WWP2: variants seen among roughly 807,000 people sequenced by gnomAD.
WWP2 encodes WW domain containing E3 ubiquitin protein ligase 2.
In WWP2, 57 loss-of-function variants were observed where a neutral mutation model predicts 121.0. That is an observed-to-expected ratio of 0.47 (90% CI 0.38 to 0.59). WWP2 has a LOEUF of 0.59. WWP2 is among the 20% of genes least tolerant of loss of function. The probability of loss-of-function intolerance (pLI) is 0.00; values close to 1 mark genes in which losing one functional copy is unlikely to be tolerated. For missense variants in WWP2, 962 were observed against 1,158.9 expected (o/e 0.83, Z 2.47); for synonymous variants, 449 against 441.3 (o/e 1.02, Z -0.22).
Position 69,842,048 on chromosome 16 carries a change from C to G in WWP2, c.503C>G (p.Ser168Cys), listed in dbSNP as rs780890962. The stretch of plus-strand genomic sequence containing the variant: ...GGATCACAGCTGCCTTCGAGAGACT[C>G]CAGTGGAACAGCAGTAGCTCCAGAG... Reference protein sequence around the residue: ...TDGSQLPSRDSSGTAVAPENR... With the variant: ...TDGSQLPSRDCSGTAVAPENR... Residue 168 changes from serine (S) to cysteine (C), a missense_variant, in exon 6 of 24, where the codon TCC becomes TGC. This residue lies in a region of WWP2 where 211 missense variants were observed against 196.5 expected (regional missense o/e 1.07). Transcript: ENST00000359154. The G allele has an allele frequency of 1.2e-6, 2 of 1,613,428 alleles. No homozygotes were observed. Among genetic ancestry groups the G allele is most frequent in the Admixed American group, 3.3e-5 (2 of 59,974 alleles).
At chr16:69,781,648 T>C (rs1202079319) in intron 1 of WWP2, among the ~76,000 whole-genome samples, 4 of 152,236 alleles carry the variant, frequency 2.6e-5, no homozygotes, top group African/African-American at 9.6e-5. Flanking sequence ...GCTTTTACTC[T>C]GAGTTAGACG....
At chr16:69,793,953 C>G (rs1236013543) in intron 2 of WWP2, among the ~76,000 whole-genome samples, 4 of 112,760 alleles carry the variant, frequency 3.5e-5, no homozygotes, top group Admixed American at 2.6e-4. Flanking sequence ...GGGTCTTGCT[C>G]TGTTACCCAG....
At chr16:69,835,990 A>G (rs2056870027) in intron 4 of WWP2, among the ~76,000 whole-genome samples, 1 of 152,006 alleles carries the variant, frequency 6.6e-6, no homozygotes, top group Non-Finnish European at 1.5e-5. Context: ...TTTAGTAAAG[A>G]TGGGGTTTCA....
At chr16:69,939,309 C>T (rs1439615638) in intron 22 of WWP2, 32 bp from the exon 23 acceptor site, 1 of 1,612,960 alleles carries the variant, frequency 6.2e-7, no homozygotes, top group Admixed American at 1.7e-5. Flanking sequence ...GACGTCTCTG[C>T]TGACGTCGGC....
At chr16:69,903,320 T>G (rs2058234006) in intron 8 of WWP2, among the ~76,000 whole-genome samples, 1 of 152,210 alleles carries the variant, frequency 6.6e-6, no homozygotes, top group African/African-American at 2.4e-5. Flanking sequence ...TTACAGACAT[T>G]TATTTCATGG....
chr16:69,772,396 G>A (rs2055436322), intron 1 of WWP2, among the ~76,000 whole-genome samples: 1 of 152,046 alleles, frequency 6.6e-6, no homozygotes. Flanking sequence ...CTGATGCAGG[G>A]CACGTGAGCC....
intron 1 of WWP2, among the ~76,000 whole-genome samples, chr16:69,775,700 T>A (rs1395781245): frequency 6.6e-6 from 1 of 152,180 alleles, no homozygotes; most frequent in Non-Finnish European, 1.5e-5. Flanking sequence ...CTTCTTGCCT[T>A]TTAGTGTGTT....
chr16:69,939,112 C>T lies in WWP2; in HGVS notation c.2429C>T (p.Ala810Val). 6.3e-7 allele frequency: 1 copy of T among 1,599,610 alleles called. No homozygotes were observed. The highest frequency in any genetic ancestry group is 8.5e-7 in the Non-Finnish European group (1 of 1,172,316). Residue 810 changes from alanine (A) to valine (V), a missense_variant, in exon 22 of 24, where the codon GCC becomes GTC. Physicochemically the swap from Ala to Val is moderately conservative, Grantham distance 64. Around this residue, in one of 3 missense-constraint regions of WWP2, gnomAD observed 606 missense variants for 772.6 expected, o/e 0.78. Transcript: ENST00000359154. ...TGCCGCCTGCCCGTCGGGGGATTTGCCGAACTCATCGGTATGTTTTCTCTC... is the reference window on the plus strand; with the variant it reads ...TGCCGCCTGCCCGTCGGGGGATTTGTCGAACTCATCGGTATGTTTTCTCTC... ...GTCRLPVGGF[A>V]ELIGSNGPQK...
At position 69,939,740 on chromosome 16, in the gene WWP2, G is replaced by C. The variant is rs879065843; in HGVS notation, c.2514-101G>C. 1.7e-5 allele frequency: 19 copies of C among 1,091,804 alleles called. No homozygotes were observed. In the South Asian group the frequency reaches 2.4e-4, roughly 14 times the overall value. The allele number at this position is 1,091,804 out of a possible 1,614,324, so 67.6% of individuals were successfully genotyped here. On this transcript the variant is annotated intron_variant, in intron 23 of 23. Coordinates refer to ENST00000359154, the MANE Select transcript of WWP2 (RefSeq NM_001270454.2). ...ACTGGCAGCCCCTGAGCCCTAGCCAGTGTGGTGCAAGCCCTGTGGCCCTGC... is the reference window on the plus strand; with the variant it reads ...ACTGGCAGCCCCTGAGCCCTAGCCACTGTGGTGCAAGCCCTGTGGCCCTGC...
At chr16:69,819,509 C>A (rs1018843093) in intron 4 of WWP2, among the ~76,000 whole-genome samples, 3 of 152,190 alleles carry the variant, frequency 2.0e-5, no homozygotes, top group African/African-American at 7.2e-5. Context: ...CTGAAACTGA[C>A]CCCTTCCAGT....
At chr16:69,771,654 T>C (rs2055418034) in intron 1 of WWP2, among the ~76,000 whole-genome samples, 1 of 152,228 alleles carries the variant, frequency 6.6e-6, no homozygotes, top group African/African-American at 2.4e-5. Context: ...TTCCTTACTT[T>C]AGGATCAGCT....
Position 69,799,360 on chromosome 16 carries a change from A to G in WWP2, c.340+65A>G. 1.3e-6 allele frequency: 2 copies of G among 1,572,706 alleles called. No individual in the cohort carries two copies. The highest frequency in any genetic ancestry group is 2.7e-5 in the African/African-American group (2 of 73,916). ...GGGGATGGGAGGACCTGGCAGATCAACCTGGTATTGCAATTTCCCCCAGGA... is the reference window on the plus strand; with the variant it reads ...GGGGATGGGAGGACCTGGCAGATCAGCCTGGTATTGCAATTTCCCCCAGGA... On this transcript the variant is annotated intron_variant, in intron 4 of 23. Coordinates refer to ENST00000359154, the MANE Select transcript of WWP2 (RefSeq NM_001270454.2). This position sits in a 1 kb window ranked among gnomAD's most constrained non-coding sequence, Gnocchi z 4.5.
intron 2 of WWP2, among the ~76,000 whole-genome samples, chr16:69,787,646 G>C (rs529926138): frequency 1.4e-4 from 22 of 152,272 alleles, no homozygotes; most frequent in African/African-American, 5.3e-4. Flanking sequence ...TCATGCCCTA[G>C]GGCTCGTTGC....
intron 16 of WWP2, 108 bp downstream of exon 16, chr16:69,931,998 T>C: frequency 9.2e-7 from 1 of 1,081,986 alleles, no homozygotes; most frequent in Non-Finnish European, 1.3e-6. Context: ...CCCAAAGCTC[T>C]CATGCATCTT....
In WWP2 at chr16:69,799,161, A is replaced by G. The variant is rs1207997592; in HGVS notation, c.219-13A>G. On this transcript the variant is annotated splice_polypyrimidine_tract_variant and intron_variant, in intron 3 of 23. Coordinates refer to ENST00000359154, the MANE Select transcript of WWP2 (RefSeq NM_001270454.2). This position sits in a 1 kb window ranked among gnomAD's most constrained non-coding sequence, Gnocchi z 4.5. ...TCTGCTTGGATGTAATGAATCAGGT[A>G]TTTGTTTTTCAGGAATGTCACGGCA... The G allele has an allele frequency of 6.2e-7, 1 of 1,608,028 alleles. No homozygotes were observed. The highest frequency in any genetic ancestry group is 2.2e-5 in the East Asian group (1 of 44,824).
At chr16:69,816,784 T>C (rs1003636129) in intron 4 of WWP2, among the ~76,000 whole-genome samples, 41 of 151,982 alleles carry the variant, frequency 2.7e-4, no homozygotes, top group African/African-American at 9.7e-4. Flanking sequence ...CATACACATA[T>C]ACACACACAC....
intron 6 of WWP2, among the ~76,000 whole-genome samples, chr16:69,844,632 A>G (rs948176205): frequency 6.6e-6 from 1 of 152,214 alleles, no homozygotes; most frequent in Non-Finnish European, 1.5e-5. Flanking sequence ...GAATGACACC[A>G]GGTCATCGGT....
chr16:69,809,944 C>G (rs1596975682), intron 4 of WWP2, among the ~76,000 whole-genome samples: 2 of 152,290 alleles, frequency 1.3e-5, no homozygotes, highest in African/African-American at 4.8e-5. Context: ...GCCCCTTGCT[C>G]TTGGTGTGGA....
At chr16:69,823,442 A>G (rs2056628512) in intron 4 of WWP2, among the ~76,000 whole-genome samples, 1 of 151,758 alleles carries the variant, frequency 6.6e-6, no homozygotes, top group Non-Finnish European at 1.5e-5. Context: ...TGTATTTACA[A>G]ATTTTTTGAT....
Sources: allele counts gnomAD v4.1 joint callset (sites outside exome capture counted in the v4.1 genomes callset), GRCh38; gene constraint gnomAD v4.1.1; regional missense constraint gnomAD v4.1.1; non-coding constraint Gnocchi (gnomAD v3.1); transcripts MANE v1.5; gene names NCBI Gene and HGNC (gene_info 2026-07-23, HGNC 2026-07-21).